Variants in CPPED1 observed in about 807,000 individuals in gnomAD.
CPPED1 encodes serine/threonine-protein phosphatase CPPED1.
CPPED1 carries 28 observed loss-of-function variants against 28.0 expected under a neutral mutation model. That is an observed-to-expected ratio of 1.00 (90% CI 0.74 to 1.37). CPPED1 has a LOEUF of 1.37. Ranked by LOEUF, CPPED1 falls within the 40% of genes most tolerant of loss-of-function variation. The pLI is 0.00. For synonymous variants in CPPED1, 198 were observed against 180.2 expected (o/e 1.10, Z -0.79); for missense variants, 504 against 416.5 (o/e 1.21, Z -1.83).
intron 2 of CPPED1, among the ~76,000 whole-genome samples, chr16:12,741,154 T>G (rs556689387): frequency 6.6e-6 from 1 of 152,278 alleles, no homozygotes; most frequent in East Asian, 1.9e-4. Flanking sequence ...AGGATAGTAC[T>G]TAAAATATAG....
In CPPED1 at chr16:12,798,097, C is replaced by CAATA. The variant is rs201668352; in HGVS notation, c.70+5606_70+5609dup. On this transcript the variant is annotated intron_variant, in intron 1 of 3. Coordinates refer to ENST00000381774, the MANE Select transcript of CPPED1 (RefSeq NM_018340.3). ...AGACCACCTCAAAAGAAATAAAATA[C>CAATA]AATAAATAAATAAATAAATTTTTGA... Among the ~76,000 whole-genome samples, 583 of 151,982 alleles carry CAATA rather than the reference C, an allele frequency of 3.8e-3. 3 individuals are homozygous for CAATA. Among genetic ancestry groups the CAATA allele is most frequent in the African/African-American group, 0.012 (509 of 41,430 alleles).
At chr16:12,786,719 G>C (rs1437266035) in intron 1 of CPPED1, among the ~76,000 whole-genome samples, 5 of 152,132 alleles carry the variant, frequency 3.3e-5, no homozygotes, top group Non-Finnish European at 5.9e-5. Context: ...AAAAGATCAA[G>C]ACCATCCTGG....
At chr16:12,706,243 T>C (rs919165662) in intron 2 of CPPED1, among the ~76,000 whole-genome samples, 5 of 151,986 alleles carry the variant, frequency 3.3e-5, no homozygotes, top group African/African-American at 7.2e-5. Flanking sequence ...TCATGTATTA[T>C]GGATAAAATG....
chr16:12,672,974 A>G (rs1324580871), intron 3 of CPPED1, among the ~76,000 whole-genome samples: 1 of 152,178 alleles, frequency 6.6e-6, no homozygotes, highest in Non-Finnish European at 1.5e-5. Flanking sequence ...AGATTGTGCC[A>G]CTGCACTCCA....
At chr16:12,759,020 G>A (rs1286840605) in intron 2 of CPPED1, among the ~76,000 whole-genome samples, 4 of 151,732 alleles carry the variant, frequency 2.6e-5, no homozygotes, top group Non-Finnish European at 4.4e-5. Context: ...AAAATTAGCT[G>A]GACATGGTGG....
chr16:12,680,587 C>A (rs933375626), intron 3 of CPPED1, among the ~76,000 whole-genome samples: 1 of 152,136 alleles, frequency 6.6e-6, no homozygotes, highest in East Asian at 1.9e-4. Flanking sequence ...GAGACAGCCC[C>A]CAGGGAAGAA....
intron 2 of CPPED1, among the ~76,000 whole-genome samples, chr16:12,757,126 G>A (rs957183427): frequency 3.3e-5 from 5 of 151,968 alleles, no homozygotes; most frequent in African/African-American, 1.2e-4. Context: ...ACAGCACCTC[G>A]AGGGTGACCA....
At chr16:12,738,437 T>TCGCGCACACACACACACC (rs1474012789) in intron 2 of CPPED1, among the ~76,000 whole-genome samples, 2 of 151,766 alleles carry the variant, frequency 1.3e-5, no homozygotes, top group East Asian at 3.9e-4. Flanking sequence ...ACACACACAC[T>TCGCGCACACACACACACC]CGCGCACACA....
intron 2 of CPPED1, among the ~76,000 whole-genome samples, chr16:12,740,880 T>C (rs9302487): frequency 0.011 from 1,723 of 152,342 alleles, 37 homozygotes; most frequent in African/African-American, 0.039. Flanking sequence ...TGTCCCCTAC[T>C]GCTTTCAGCT....
chr16:12,717,357 A>G (rs145884132), intron 2 of CPPED1, among the ~76,000 whole-genome samples: 5,137 of 152,150 alleles, frequency 0.034, 124 homozygotes, highest in East Asian at 0.1. Context: ...TGCGCCTCCC[A>G]GGTTCGCGCC....
intron 1 of CPPED1, among the ~76,000 whole-genome samples, chr16:12,799,786 A>C (rs767550065): frequency 3.9e-5 from 6 of 152,220 alleles, no homozygotes; most frequent in Non-Finnish European, 7.3e-5. Flanking sequence ...GAACACTCTG[A>C]GGCTGGGCCT....
intron 2 of CPPED1, among the ~76,000 whole-genome samples, chr16:12,716,219 ATCACCTCTCCT>A (rs1441835899): frequency 1.3e-5 from 2 of 152,220 alleles, no homozygotes; most frequent in Non-Finnish European, 2.9e-5. Context: ...CTCCAAAGTG[ATCACCTCTCCT>A]GTATTTACCT....
intron 3 of CPPED1, among the ~76,000 whole-genome samples, chr16:12,702,190 G>T (rs2080024154): frequency 6.6e-6 from 1 of 151,896 alleles, no homozygotes; most frequent in Admixed American, 6.6e-5. Context: ...AGGGGGCTGG[G>T]GCATCATGGA....
intron 2 of CPPED1, among the ~76,000 whole-genome samples, chr16:12,729,533 T>G (rs896616972): frequency 2.0e-5 from 3 of 152,212 alleles, no homozygotes; most frequent in African/African-American, 7.2e-5. Flanking sequence ...GTCATCTTGT[T>G]GGCAATGCAG....
chr16:12,725,204 G>A (rs997674491), intron 2 of CPPED1, among the ~76,000 whole-genome samples: 9 of 148,912 alleles, frequency 6.0e-5, no homozygotes, highest in Admixed American at 1.3e-4. Flanking sequence ...AGTGATTCTC[G>A]TGCCTCAGCC....
rs369668072 is a variant in CPPED1, at chr16:12,738,200, T to C, written c.290-33151A>G. 1.1e-4 allele frequency among the ~76,000 whole-genome samples: 17 copies of C among 152,310 alleles called. No homozygotes were observed. In the South Asian group the frequency reaches 2.3e-3, roughly 20 times the overall value. On this transcript the variant is annotated intron_variant, in intron 2 of 3. Transcript: ENST00000381774. ...GACATTACGCAGCCGTTCACAATGA[T>C]GCTTGTAATAATAAGGAGGTTGTTG...
intron 2 of CPPED1, among the ~76,000 whole-genome samples, chr16:12,737,402 A>G (rs2080232319): frequency 6.6e-6 from 1 of 152,136 alleles, no homozygotes; most frequent in African/African-American, 2.4e-5. Context: ...CAGAGGAACC[A>G]AAAAGCACCC....
chr16:12,721,238 T>G (rs1374258879), intron 2 of CPPED1, among the ~76,000 whole-genome samples: 2 of 152,096 alleles, frequency 1.3e-5, no homozygotes, highest in African/African-American at 4.8e-5. Context: ...CACGGAAACT[T>G]AGTACTTACC....
intron 2 of CPPED1, among the ~76,000 whole-genome samples, chr16:12,742,418 A>G (rs182342022): frequency 2.2e-3 from 342 of 152,340 alleles, no homozygotes; most frequent in Non-Finnish European, 4.0e-3. Flanking sequence ...AAATGTTCCA[A>G]GATGATAAAA....
Sources: gnomAD v4.1 joint callset for allele counts (sites outside exome capture counted in the v4.1 genomes callset) on GRCh38, gnomAD v4.1.1 for gene constraint, MANE v1.5 for transcripts, NCBI Gene and HGNC (gene_info 2026-07-23, HGNC 2026-07-21) for gene names.